EPG5: variants seen among roughly 807,000 people sequenced by gnomAD.
The protein encoded by EPG5 is ectopic P-granules 5 autophagy tethering factor.
A neutral mutation model predicts 302.7 loss-of-function variants in EPG5; 159 were observed. The observed-to-expected ratio is 0.53, with a 90% confidence interval of 0.46 to 0.60. The LOEUF (loss-of-function observed/expected upper bound fraction) is 0.60, where lower values mean the gene tolerates loss of function less well. Ranked by LOEUF, EPG5 falls within the 20% of genes least tolerant of loss-of-function variation. The pLI is 0.00. For synonymous variants in EPG5, 1,158 were observed against 1,136.8 expected (o/e 1.02, Z -0.37); for missense variants, 2,896 against 3,092.4 (o/e 0.94, Z 1.51).
intron 37 of EPG5, 113 bp from the exon 38 acceptor site, chr18:45,867,120 C>T: frequency 1.4e-6 from 1 of 721,724 alleles, no homozygotes; most frequent in Non-Finnish European, 2.3e-6. Flanking sequence ...AAGCACAGAA[C>T]AGTTATGATA....
At chr18:45,884,172 A>G (rs999762081) in intron 30 of EPG5, among the ~76,000 whole-genome samples, 2 of 152,168 alleles carry the variant, frequency 1.3e-5, no homozygotes, top group Non-Finnish European at 2.9e-5. Context: ...AGACTACCCT[A>G]TACAACAGGG....
chr18:45,935,114 G>T, intron 10 of EPG5, 148 bp from the exon 11 acceptor site: 1 of 827,814 alleles, frequency 1.2e-6, no homozygotes, highest in Non-Finnish European at 1.9e-6. Context: ...CTCAAGGATG[G>T]CTAAGAATAA....
intron 5 of EPG5, 78 bp downstream of exon 5, chr18:45,949,406 T>C: frequency 2.6e-6 from 2 of 775,572 alleles, no homozygotes; most frequent in Non-Finnish European, 4.2e-6. Flanking sequence ...TCCTTTTTTT[T>C]TCAGCAATTT....
chr18:45,926,450 A>C (rs941418523), intron 13 of EPG5, among the ~76,000 whole-genome samples: 4 of 152,206 alleles, frequency 2.6e-5, no homozygotes, highest in Non-Finnish European at 4.4e-5. Context: ...ATTTGAAATA[A>C]TCCACAATAA....
At chr18:45,917,391 A>C (rs1299899250) in intron 17 of EPG5, among the ~76,000 whole-genome samples, 2 of 152,230 alleles carry the variant, frequency 1.3e-5, no homozygotes, top group African/African-American at 4.8e-5. Context: ...GATTCCCAGA[A>C]TCTCAGGGAA....
intron 27 of EPG5, among the ~76,000 whole-genome samples, chr18:45,898,886 G>C (rs1426017304): frequency 6.6e-6 from 1 of 152,206 alleles, no homozygotes; most frequent in African/African-American, 2.4e-5. Flanking sequence ...CAGCACTTTG[G>C]GAGGCCGAGG....
the EPG5 span, among the ~76,000 whole-genome samples, chr18:45,803,597 G>C: frequency 3.3e-5 from 5 of 152,148 alleles, no homozygotes; most frequent in South Asian, 1.0e-3. Flanking sequence ...TAGAAAGTGA[G>C]GGAGAATCCT....
At position 45,870,697 on chromosome 18, in the gene EPG5, A is replaced by C. The variant is rs971428390; in HGVS notation, c.6095T>G (p.Met2032Arg). 1 of 1,612,972 alleles carries C rather than the reference A, an allele frequency of 6.2e-7. No homozygotes were observed. Among genetic ancestry groups the C allele is most frequent in the African/African-American group, 1.3e-5 (1 of 74,962 alleles). ...TGCTGTACATGCTTCACAATAATGCATCAGGTGCAACCAAAGGGCTCCTGC... is the reference window on the plus strand; with the variant it reads ...TGCTGTACATGCTTCACAATAATGCCTCAGGTGCAACCAAAGGGCTCCTGC... The part of the protein sequence containing the change: ...GDAGALWLHL[M>R]HYCEACTAPK... The change falls in exon 36 of 44, where the codon ATG becomes AGG. Residue 2032 changes from methionine (M) to arginine (R), a missense_variant. By Grantham distance (91) the Met-to-Arg change is moderately conservative (BLOSUM62 -1). Around this residue, in one of 5 missense-constraint regions of EPG5, gnomAD observed 620 missense variants for 704.2 expected, o/e 0.88. Transcript: ENST00000282041.
At chr18:45,846,573 C>G (rs1283885206), downstream of EPG5, among the ~76,000 whole-genome samples, 1 of 136,792 alleles carries the variant, frequency 7.3e-6, no homozygotes, top group Non-Finnish European at 1.6e-5. Flanking sequence ...AAGAGCCCAG[C>G]AGGTAAGACT....
the EPG5 span, among the ~76,000 whole-genome samples, chr18:45,820,979 G>A: frequency 8.6e-4 from 131 of 152,292 alleles, 1 homozygote; most frequent in African/African-American, 3.0e-3. Flanking sequence ...ATGAAAACCA[G>A]GGATCATCTG....
In EPG5 at chr18:45,955,263, C is replaced by T. The variant is rs779111682; in HGVS notation, c.139G>A (p.Glu47Lys). 2 of 1,614,140 alleles carry T rather than the reference C, an allele frequency of 1.2e-6. No homozygotes were observed. The highest frequency in any genetic ancestry group is 3.3e-5 in the Admixed American group (2 of 60,016). Residue 47 changes from glutamate to lysine, a missense_variant, in exon 2 of 44, where the codon GAA (glutamate) becomes AAA (lysine). Glu to Lys is a moderately conservative substitution (Grantham distance 56, BLOSUM62 1). Around this residue, in one of 5 missense-constraint regions of EPG5, gnomAD observed 1,390 missense variants for 1,430.0 expected, o/e 0.97. Transcript: ENST00000282041. ...AATTCACAGGCTAGAGAAGGGATTT[C>T]CTGCTCTCTGGAGGTTTTTGGAAGG... ...VSLPKTSREQ[E>K]IPSLACEFKG...
the EPG5 span, chr18:45,839,133 G>A: frequency 5.4e-5 from 73 of 1,356,152 alleles, no homozygotes; most frequent in Non-Finnish European, 6.9e-5. Flanking sequence ...GCGAGGGGCC[G>A]GGCCGGGGCT....
intron 27 of EPG5, 48 bp downstream of exon 27, chr18:45,899,356 C>T (rs371539797): frequency 5.1e-5 from 81 of 1,599,878 alleles, no homozygotes; most frequent in East Asian, 3.1e-4. Context: ...GCCAACATTA[C>T]GGACTCAATT....
intron 23 of EPG5, 95 bp from the exon 24 acceptor site, chr18:45,908,176 G>A: frequency 1.0e-6 from 1 of 1,002,202 alleles, no homozygotes; most frequent in South Asian, 1.7e-5. Context: ...CCCTACATAA[G>A]AGTAAAGAAA....
chr18:45,867,563 T>C lies in EPG5; in HGVS notation c.6411A>G (p.Thr2137=). ...LAKEVQLVDQ[T]DSPLLSLLGQ... ...TTTGCCATAAGCTTCCCAAACTTAC[T>C]GTTTGGTCTACCAGTTGAACTTCCT... The change falls in exon 37 of 44, where the codon ACA becomes ACG. Residue 2137 remains threonine (T), a splice_region_variant and synonymous_variant. Coordinates refer to ENST00000282041, the MANE Select transcript of EPG5 (RefSeq NM_020964.3). The C allele has an allele frequency of 1.2e-6, 2 of 1,612,900 alleles. No individual in the cohort carries two copies. The highest frequency in any genetic ancestry group is 1.7e-6 in the Non-Finnish European group (2 of 1,179,128).
chr18:45,925,946 A>G, intron 13 of EPG5, 44 bp from the exon 14 acceptor site: 1 of 1,165,826 alleles, frequency 8.6e-7, no homozygotes, highest in Non-Finnish European at 1.1e-6. Flanking sequence ...AGACTTAGAA[A>G]CAATGCTATA....
intron 43 of EPG5, among the ~76,000 whole-genome samples, chr18:45,854,758 G>A (rs2048479881): frequency 6.6e-6 from 1 of 152,194 alleles, no homozygotes; most frequent in African/African-American, 2.4e-5. Flanking sequence ...CTACTTGGGA[G>A]GCTGAGGTGG....
intron 18 of EPG5, 34 bp downstream of exon 18, chr18:45,916,404 C>A (rs1555674614): frequency 1.6e-5 from 26 of 1,594,228 alleles, no homozygotes; most frequent in Non-Finnish European, 2.1e-5. Context: ...GGAAGACAGG[C>A]GGGAGTGTGC....
intron 1 of EPG5, among the ~76,000 whole-genome samples, chr18:45,958,607 C>A (rs146798683): frequency 1.0e-3 from 155 of 152,264 alleles, no homozygotes; most frequent in Non-Finnish European, 1.5e-4. Flanking sequence ...TGGATATCCT[C>A]ATATGAAAGA....
Sources: allele counts gnomAD v4.1 joint callset (sites outside exome capture counted in the v4.1 genomes callset), GRCh38; gene constraint gnomAD v4.1.1; regional missense constraint gnomAD v4.1.1; transcripts MANE v1.5; gene names NCBI Gene and HGNC (gene_info 2026-07-23, HGNC 2026-07-21).